Variants in WAPL observed in about 807,000 individuals in gnomAD.
WAPL encodes wings apart-like protein homolog.
In WAPL, 5 loss-of-function variants were observed where a neutral mutation model predicts 121.0. The ratio of observed to expected loss-of-function variants is 0.04; its 90% CI spans 0.02 to 0.09. The LOEUF (loss-of-function observed/expected upper bound fraction) is 0.09. Ranked by LOEUF, WAPL falls within the 10% of genes least tolerant of loss-of-function variation. The pLI is 1.00. For synonymous variants in WAPL, 480 were observed against 481.5 expected, an observed-to-expected ratio of 1.00 and a Z score of 0.04; for missense variants, 999 against 1,410.8, an observed-to-expected ratio of 0.71 and a Z score of 4.68.
In WAPL at chr10:86,517,974, G is replaced by A. The variant is rs1357458329; in HGVS notation, c.96C>T (p.Ser32=). ...TAAATGTGGTCTCTCCCCATTTTGT[G>A]CTAAGGGTAGTCCGTTTGTTGGAAA... ...EVFSNKRTTL[S]TKWGETTFMA... is the part of the protein sequence containing the mutation. The change falls in exon 2 of 19, where the codon AGC becomes AGT. Residue 32 remains serine, a synonymous_variant. Transcript: ENST00000298767. 1.9e-6 allele frequency: 3 copies of A among 1,614,144 alleles called. No individual in the cohort carries two copies. The African/African-American group carries it at 4.0e-5, about 22-fold the overall frequency.
intron 2 of WAPL, among the ~76,000 whole-genome samples, chr10:86,513,491 C>T (rs894658672): frequency 4.0e-5 from 6 of 151,734 alleles, no homozygotes; most frequent in African/African-American, 1.5e-4. Context: ...CGCCACCACA[C>T]CTGGTTAATT....
Position 86,485,926 on chromosome 10 carries a change from G to A in WAPL, c.1644+11275C>T, listed in dbSNP as rs928253064. On this transcript the variant is annotated intron_variant, in intron 4 of 18. Coordinates refer to ENST00000298767, the MANE Select transcript of WAPL (RefSeq NM_015045.5). ...TGATGAAAAAAAGCCAACTAAAACCGACTCCCTCTCTTCCATACCTAGGCC... is the reference window on the plus strand; with the variant it reads ...TGATGAAAAAAAGCCAACTAAAACCAACTCCCTCTCTTCCATACCTAGGCC... Among the ~76,000 whole-genome samples, 6 of 152,190 alleles carry A rather than the reference G, an allele frequency of 3.9e-5. No individual in the cohort carries two copies. The East Asian group carries it at 7.7e-4, about 20-fold the overall frequency.
chr10:86,457,781 T>C (rs1841185004), intron 12 of WAPL, among the ~76,000 whole-genome samples: 1 of 152,186 alleles, frequency 6.6e-6, no homozygotes, highest in Non-Finnish European at 1.5e-5. Context: ...TACTGAAAAT[T>C]AGAATATTGA....
chr10:86,465,561 T>G (rs924192762), intron 9 of WAPL, among the ~76,000 whole-genome samples: 2 of 152,220 alleles, frequency 1.3e-5, no homozygotes, highest in African/African-American at 2.4e-5. Context: ...AGTTTACCCA[T>G]TGATCCTAGT....
At chr10:86,447,982 G>A (rs1015474324) in intron 15 of WAPL, among the ~76,000 whole-genome samples, 2 of 151,774 alleles carry the variant, frequency 1.3e-5, no homozygotes, top group Admixed American at 1.3e-4. Flanking sequence ...TGGGAGTCAG[G>A]GGTTGCAGTA....
At chr10:86,518,791 G>C (rs1842610701) in intron 1 of WAPL, among the ~76,000 whole-genome samples, 1 of 152,018 alleles carries the variant, frequency 6.6e-6, no homozygotes, top group Non-Finnish European at 1.5e-5. Flanking sequence ...ATTCACATGA[G>C]AAAAAAGGTC....
chr10:86,518,953 T>C (rs1842614633), intron 1 of WAPL, among the ~76,000 whole-genome samples: 1 of 152,222 alleles, frequency 6.6e-6, no homozygotes, highest in African/African-American at 2.4e-5. Flanking sequence ...ATCCTTATCC[T>C]ATCTGCCTTG....
At chr10:86,452,752 A>G (rs998340089) in intron 14 of WAPL, among the ~76,000 whole-genome samples, 5 of 151,972 alleles carry the variant, frequency 3.3e-5, no homozygotes, top group Non-Finnish European at 7.4e-5. Flanking sequence ...AATAAGAAGT[A>G]CGTTCAGCCA....
chr10:86,491,124 A>G (rs1035341002), intron 4 of WAPL, among the ~76,000 whole-genome samples: 6 of 144,290 alleles, frequency 4.2e-5, no homozygotes, highest in African/African-American at 1.5e-4. Flanking sequence ...TCAATAACAT[A>G]AACTCATGGT....
intron 17 of WAPL, among the ~76,000 whole-genome samples, chr10:86,439,089 C>T (rs1849397875): frequency 6.6e-6 from 1 of 152,114 alleles, no homozygotes; most frequent in African/African-American, 2.4e-5. Flanking sequence ...AGAAAACACA[C>T]AAAAGCTCCC....
chr10:86,475,651 T>C (rs115559362), intron 4 of WAPL, among the ~76,000 whole-genome samples: 1,650 of 152,356 alleles, frequency 0.011, 36 homozygotes, highest in African/African-American at 0.037. Flanking sequence ...TGACTTGATC[T>C]GGCTTCCTGA....
intron 4 of WAPL, among the ~76,000 whole-genome samples, chr10:86,480,906 T>C (rs1443961905): frequency 6.6e-6 from 1 of 152,166 alleles, no homozygotes; most frequent in South Asian, 2.1e-4. Context: ...AAGGGAAACT[T>C]GGGTCCCCTA....
intron 8 of WAPL, among the ~76,000 whole-genome samples, chr10:86,468,729 C>T (rs1490230220): frequency 1.3e-5 from 2 of 151,070 alleles, no homozygotes; most frequent in East Asian, 2.0e-4. Context: ...TTTGGGAGGC[C>T]AAGGTGGGCA....
intron 17 of WAPL, among the ~76,000 whole-genome samples, chr10:86,441,659 C>T (rs1319351479): frequency 6.6e-6 from 1 of 151,296 alleles, no homozygotes; most frequent in African/African-American, 2.4e-5. Flanking sequence ...GTAGTCAGCA[C>T]GGGACCATAA....
intron 17 of WAPL, among the ~76,000 whole-genome samples, chr10:86,438,872 T>C (rs1307680388): frequency 6.6e-6 from 1 of 152,206 alleles, no homozygotes; most frequent in Non-Finnish European, 1.5e-5. Context: ...AGCCAAACTA[T>C]ATATAAACCA....
At chr10:86,458,151 A>G (rs1284741702) in intron 12 of WAPL, among the ~76,000 whole-genome samples, 3 of 152,258 alleles carry the variant, frequency 2.0e-5, no homozygotes, top group African/African-American at 7.2e-5. Context: ...GGAATCAGAG[A>G]TTTGAGAAAT....
chr10:86,489,884 T>TCAA (rs1842005513), intron 4 of WAPL, among the ~76,000 whole-genome samples: 1 of 23,390 alleles, frequency 4.3e-5, no homozygotes, highest in African/African-American at 2.1e-4. Flanking sequence ...GGTTTTGCCT[T>TCAA]GAAAAAAAAA....
intron 15 of WAPL, 59 bp downstream of exon 15, chr10:86,451,903 TAAAAG>T (rs1840990283): frequency 6.3e-7 from 1 of 1,575,738 alleles, no homozygotes. Context: ...GTGCAAATGA[TAAAAG>T]AAATTGGACA....
intron 7 of WAPL, 101 bp from the exon 8 acceptor site, chr10:86,471,204 G>A: frequency 4.7e-6 from 4 of 848,886 alleles, no homozygotes; most frequent in South Asian, 1.5e-5. Flanking sequence ...GGGGTAAAAG[G>A]GTCAAAGCAT....
Sources: allele counts gnomAD v4.1 joint callset (sites outside exome capture counted in the v4.1 genomes callset), GRCh38; gene constraint gnomAD v4.1.1; transcripts MANE v1.5; gene names NCBI Gene and HGNC (gene_info 2026-07-23, HGNC 2026-07-21).